The following TTF1 variants were observed in gnomAD, a reference collection of about 807,000 sequenced individuals.
The protein encoded by TTF1 is transcription termination factor, RNA polymerase I.
A neutral mutation model predicts 80.2 loss-of-function variants in TTF1; 64 were observed. That is an observed-to-expected ratio of 0.80 (90% CI 0.65 to 0.98). TTF1 has a LOEUF of 0.98. TTF1 is among the 50% of genes least tolerant of loss of function. TTF1 has a pLI of 0.00. For synonymous variants in TTF1, 372 were observed against 382.7 expected (o/e 0.97, Z 0.33); for missense variants, 1,023 against 1,086.2 (o/e 0.94, Z 0.82).
Position 132,402,548 on chromosome 9 carries a change from T to C in TTF1, c.274A>G (p.Ser92Gly), listed in dbSNP as rs374976968. 68 of 1,614,116 alleles carry C rather than the reference T, an allele frequency of 4.2e-5. No homozygotes were observed. Among genetic ancestry groups the C allele is most frequent in the Non-Finnish European group, 5.6e-5 (66 of 1,180,052 alleles). ...TLKKRKKRRY[S>G]ALEVDEEAGV... ...GCTTCCTCGTCCACCTCCAAAGCAC[T>C]ATATCTTCTCTTTTTTCTCTTTTTG... The change falls in exon 2 of 11, where the codon AGT becomes GGT. Residue 92 changes from serine (S) to glycine (G), a missense_variant. Transcript: ENST00000334270.
chr9:132,403,285 G>A (rs766775183), intron 1 of TTF1, among the ~76,000 whole-genome samples: 8 of 152,136 alleles, frequency 5.3e-5, no homozygotes, highest in Non-Finnish European at 1.0e-4. Flanking sequence ...GTGGCTCACT[G>A]GAATTCTCTC....
At chr9:132,391,242 A>G (rs1226257554) in intron 6 of TTF1, among the ~76,000 whole-genome samples, 1 of 152,206 alleles carries the variant, frequency 6.6e-6, no homozygotes, top group African/African-American at 2.4e-5. Context: ...AGCTACACTG[A>G]TACCAACACA....
chr9:132,405,230 A>T (rs11243765), intron 1 of TTF1, among the ~76,000 whole-genome samples: 94,848 of 150,896 alleles, frequency 0.63, 31,342 homozygotes, highest in Non-Finnish European at 0.74. Context: ...TTGGAGACAG[A>T]ATCTCGTTCT....
At chr9:132,391,301 G>A (rs939065064) in intron 6 of TTF1, among the ~76,000 whole-genome samples, 12 of 152,272 alleles carry the variant, frequency 7.9e-5, no homozygotes, top group African/African-American at 2.9e-4. Flanking sequence ...TATCTGTGGC[G>A]GATGCCCCAA....
chr9:132,398,954 T>C (rs550787991), intron 3 of TTF1, among the ~76,000 whole-genome samples: 2 of 152,112 alleles, frequency 1.3e-5, no homozygotes, highest in South Asian at 2.1e-4. Flanking sequence ...TCCCAGCACT[T>C]TGGGAGGCCG....
rs942349188 is a variant in TTF1 at position 132,378,986 on chromosome 9, T to A, written c.2464+73A>T. On this transcript the variant is annotated intron_variant, in intron 10 of 10. Coordinates refer to ENST00000334270, the MANE Select transcript of TTF1 (RefSeq NM_007344.4). ...GAGGCTCTAAGTCCAGTCACCTGCC[T>A]AGGTGACTTTCATTACCAGCATGTG... The A allele has an allele frequency of 4.4e-6, 5 of 1,142,172 alleles. No homozygotes were observed. In the African/African-American group the frequency reaches 6.3e-5, roughly 14 times the overall value. 70.8% of individuals were successfully genotyped at this position (1,142,172 alleles called of 1,614,324 possible). A position where few individuals can be genotyped will look rare whatever the true frequency, so the allele number is the denominator to read the frequency against.
chr9:132,387,327 G>A (rs180817917), intron 8 of TTF1, among the ~76,000 whole-genome samples: 18 of 152,258 alleles, frequency 1.2e-4, no homozygotes, highest in African/African-American at 4.1e-4. Flanking sequence ...ATGGTGCCAA[G>A]AGACACAGTC....
intron 1 of TTF1, among the ~76,000 whole-genome samples, 172 bp downstream of exon 1, chr9:132,406,618 A>C (rs1849873229): frequency 6.6e-6 from 1 of 151,102 alleles, no homozygotes; most frequent in African/African-American, 2.4e-5. Flanking sequence ...AAAAAAAAAA[A>C]AAACACCCAA....
intron 9 of TTF1, among the ~76,000 whole-genome samples, chr9:132,381,143 CAT>C (rs1246885966): frequency 6.6e-6 from 1 of 151,910 alleles, no homozygotes; most frequent in Non-Finnish European, 1.5e-5. Context: ...TTTTAAAAAT[CAT>C]GTGATCTGAA....
chr9:132,382,659 T>G (rs775776095), intron 9 of TTF1, among the ~76,000 whole-genome samples: 1 of 151,592 alleles, frequency 6.6e-6, no homozygotes, highest in Admixed American at 6.6e-5. Flanking sequence ...AGGCCGGGCA[T>G]GGTGGCTCAC....
At position 132,388,280 on chromosome 9, in the gene TTF1, T is replaced by C. The variant is rs553047334; in HGVS notation, c.2223-52A>G. ...TTTACTTTCAAGGGTAGAGTTTTCA[T>C]TAAAATATCCTATATTTTTCTTATC... On this transcript the variant is annotated intron_variant, in intron 7 of 10. Transcript: ENST00000334270. The C allele has an allele frequency of 3.6e-5, 47 of 1,315,222 alleles. No individual in the cohort carries two copies. In the South Asian group the frequency reaches 5.9e-4, roughly 17 times the overall value. 81.5% of individuals were successfully genotyped at this position (1,315,222 alleles called of 1,614,324 possible).
chr9:132,378,097 AGTGCATGTGGTGTGT>A (rs1171207727), intron 10 of TTF1, among the ~76,000 whole-genome samples: 2 of 46,282 alleles, frequency 4.3e-5, no homozygotes, highest in African/African-American at 1.9e-4. Context: ...ATGTGGTGTG[AGTGCATGTGGTGTGT>A]GTGAGTGCAT....
intron 10 of TTF1, among the ~76,000 whole-genome samples, chr9:132,378,124 CATGT>C (rs1849271263): frequency 2.7e-5 from 2 of 73,098 alleles, no homozygotes; most frequent in East Asian, 8.3e-4. Context: ...TGAGTGCATG[CATGT>C]GGTGTGTGTG....
rs1849769003 is a variant in TTF1, at chr9:132,401,828, A to G, written c.994T>C (p.Ser332Pro). The stretch of plus-strand genomic sequence containing the variant: ...TTGGACTTTTTCTTTTTTTTCTTAG[A>G]CTTGTTTTTATAAGCAGGTGCTGGT... ...GIPAPAYKNK[S>P]KKKKKKSNHQ... Residue 332 changes from serine (S) to proline (P), a missense_variant, in exon 2 of 11, where the codon TCT becomes CCT. Physicochemically the swap from Ser to Pro is moderately conservative, Grantham distance 74 (BLOSUM62 -1). Coordinates refer to ENST00000334270, the MANE Select transcript of TTF1 (RefSeq NM_007344.4). 2 of 1,608,144 alleles carry G rather than the reference A, an allele frequency of 1.2e-6. No individual in the cohort carries two copies. Among genetic ancestry groups the G allele is most frequent in the Admixed American group, 1.7e-5 (1 of 59,504 alleles).
At chr9:132,396,329 C>G (rs1849647402) in intron 5 of TTF1, 104 bp downstream of exon 5, 2 of 1,179,320 alleles carry the variant, frequency 1.7e-6, no homozygotes, top group South Asian at 1.3e-5. Context: ...ACACACAAAT[C>G]TGCGTTATCT....
At chr9:132,404,962 T>C (rs1439443236) in intron 1 of TTF1, among the ~76,000 whole-genome samples, 1 of 151,996 alleles carries the variant, frequency 6.6e-6, no homozygotes, top group Non-Finnish European at 1.5e-5. Flanking sequence ...CTCAGCTCAC[T>C]GCAAGCTCTG....
At position 132,401,654 on chromosome 9, in the gene TTF1, T is replaced by G; in HGVS notation, c.1168A>C (p.Lys390Gln). The change falls in exon 2 of 11, where the codon AAG (lysine) becomes CAG (glutamine). Residue 390 changes from lysine (K) to glutamine (Q), a missense_variant. Transcript: ENST00000334270. ...KESNSTKKKS[K>Q]KRKLTSVKRA... Reference sequence around the variant, plus strand: ...TTGACAGACGTAAGCTTCCTTTTCTTAGACTTCTTCTTTGTACTGTTGGAT... The same window carrying G: ...TTGACAGACGTAAGCTTCCTTTTCTGAGACTTCTTCTTTGTACTGTTGGAT... 6.2e-7 allele frequency: 1 copy of G among 1,614,234 alleles called. No homozygotes were observed. The highest frequency in any genetic ancestry group is 8.5e-7 in the Non-Finnish European group (1 of 1,180,044).
chr9:132,404,270 T>C (rs1849821285), intron 1 of TTF1, among the ~76,000 whole-genome samples: 1 of 152,178 alleles, frequency 6.6e-6, no homozygotes, highest in South Asian at 2.1e-4. Flanking sequence ...GTCTCAATGC[T>C]AAGCACATTT....
chr9:132,379,402 T>C (rs1356965162), intron 9 of TTF1, among the ~76,000 whole-genome samples: 2 of 152,226 alleles, frequency 1.3e-5, no homozygotes, highest in Non-Finnish European at 2.9e-5. Flanking sequence ...TAAGATAACT[T>C]GTATCACTAG....
Sources: allele counts gnomAD v4.1 joint callset (sites outside exome capture counted in the v4.1 genomes callset), GRCh38; gene constraint gnomAD v4.1.1; transcripts MANE v1.5; gene names NCBI Gene and HGNC (gene_info 2026-07-23, HGNC 2026-07-21).